Variants in USP6NL observed in about 807,000 individuals in gnomAD.
USP6NL encodes USP6 N-terminal-like protein.
In USP6NL, 26 loss-of-function variants were observed where a neutral mutation model predicts 61.9. That is an observed-to-expected ratio of 0.42 (90% CI 0.31 to 0.58). The LOEUF (loss-of-function observed/expected upper bound fraction) is 0.58. Among genes scored for constraint, USP6NL ranks in the 20% least tolerant of loss-of-function variants. The pLI, the probability that USP6NL is intolerant of heterozygous loss-of-function variation, is 0.16. For synonymous variants in USP6NL, 432 were observed against 390.1 expected (o/e 1.11, Z -1.27); for missense variants, 1,114 against 1,034.3 (o/e 1.08, Z -1.06).
chr10:11,541,274 T>TAA (rs1236099380), intron 2 of USP6NL, among the ~76,000 whole-genome samples: 1 of 122,700 alleles, frequency 8.1e-6, no homozygotes, highest in Non-Finnish European at 1.7e-5. Context: ...TATATATATA[T>TAA]ATGTATGTCA....
rs909037605 is a variant in USP6NL at position 11,525,501 on chromosome 10, GA to G, written c.73-34del. ...AAGGCACAAAAAAAGGTGTTAATCA[GA>G]GTTTATAAAACTGAATAATTTTTTA... On this transcript the variant is annotated intron_variant, in intron 3 of 14. Transcript: ENST00000609104. This position sits in a 1 kb window ranked among gnomAD's most constrained non-coding sequence, Gnocchi z 5.0. 6 of 1,519,664 alleles carry G rather than the reference GA, an allele frequency of 3.9e-6. No individual in the cohort carries two copies. The African/African-American group carries it at 4.3e-5, about 11-fold the overall frequency. 94.1% of individuals were successfully genotyped at this position (1,519,664 alleles called of 1,614,324 possible). A position where few individuals can be genotyped will look rare whatever the true frequency, so the allele number is the denominator to read the frequency against.
chr10:11,462,529 G>A lies in USP6NL; in HGVS notation c.2399C>T (p.Ser800Phe), dbSNP rs372926533. Residue 800 changes from serine to phenylalanine, a missense_variant, in exon 15 of 15, where the codon TCT becomes TTT. Ser to Phe is a radical substitution (Grantham distance 155). Coordinates refer to ENST00000609104, the MANE Select transcript of USP6NL (RefSeq NM_014688.5). The stretch of plus-strand genomic sequence containing the variant: ...CGGGGGCCCTGAATATGGATATCCA[G>A]ATGGACTGGCATCTTCTGCGGCCGG... ...ASPAAEDASP[S>F]GYPYSGPPPP... 4.3e-6 allele frequency: 7 copies of A among 1,614,046 alleles called. 1 individual carries two copies. The South Asian group carries it at 5.5e-5, about 13-fold the overall frequency.
In USP6NL at chr10:11,597,999, T is replaced by G. The variant is rs1838385111; in HGVS notation, c.-83-282A>C. 6.6e-6 allele frequency among the ~76,000 whole-genome samples: 1 copy of G among 152,164 alleles called. No homozygotes were observed. Among genetic ancestry groups the G allele is most frequent in the Admixed American group, 6.5e-5 (1 of 15,270 alleles). On this transcript the variant is annotated intron_variant, in intron 1 of 14. Coordinates refer to ENST00000609104, the MANE Select transcript of USP6NL (RefSeq NM_014688.5). The surrounding 1 kb of genome is among the most constrained non-coding windows in gnomAD (Gnocchi z 4.6). The stretch of plus-strand genomic sequence containing the variant: ...AACAGGTGTCCTTCGTCTTCAACAC[T>G]AAAAACATTTCTTCCCCATTCCCAG...
chr10:11,569,460 G>A (rs1022283916), intron 2 of USP6NL, among the ~76,000 whole-genome samples: 2 of 152,148 alleles, frequency 1.3e-5, no homozygotes, highest in Non-Finnish European at 2.9e-5. Context: ...TAACCTTCAC[G>A]TATAGAATTT....
chr10:11,501,012 C>CAT, intron 7 of USP6NL, 89 bp downstream of exon 7: 1 of 1,001,774 alleles, frequency 1.0e-6, no homozygotes, highest in Non-Finnish European at 1.4e-6. Flanking sequence ...TTTAAGTGAT[C>CAT]ATATGAATAT....
chr10:11,566,816 C>CA (rs1216122834), intron 2 of USP6NL, among the ~76,000 whole-genome samples: 3 of 152,160 alleles, frequency 2.0e-5, no homozygotes, highest in African/African-American at 7.2e-5. Context: ...CAGAGACAAG[C>CA]AAGAGAGGAA....
chr10:11,540,363 A>T lies in USP6NL; in HGVS notation c.5-12796T>A, dbSNP rs917853110. Among the ~76,000 whole-genome samples, 3 of 152,214 alleles carry T rather than the reference A, an allele frequency of 2.0e-5. No homozygotes were observed. Among genetic ancestry groups the T allele is most frequent in the Non-Finnish European group, 4.4e-5 (3 of 68,030 alleles). On this transcript the variant is annotated intron_variant, in intron 2 of 14. Coordinates refer to ENST00000609104, the MANE Select transcript of USP6NL (RefSeq NM_014688.5). The surrounding 1 kb of genome is among the most constrained non-coding windows in gnomAD (Gnocchi z 5.0). ...CTGGAAACATGTAAAAATTTGACAC[A>T]ATAATCATCAAATGACACTGAACTT...
At position 11,540,095 on chromosome 10, in the gene USP6NL, A is replaced by C. The variant is rs1277750027; in HGVS notation, c.5-12528T>G. On this transcript the variant is annotated intron_variant, in intron 2 of 14. Transcript: ENST00000609104. The surrounding 1 kb of genome is among the most constrained non-coding windows in gnomAD (Gnocchi z 5.0). ...TCTGCTCACTTCTGCTAGTCCTTAC[A>C]TTTCTTCCCACAGAAACAAATCTAT... 6.6e-6 allele frequency among the ~76,000 whole-genome samples: 1 copy of C among 152,114 alleles called. No homozygotes were observed. The highest frequency in any genetic ancestry group is 1.5e-5 in the Non-Finnish European group (1 of 68,014).
At chr10:11,594,602 A>T (rs1838265636) in intron 2 of USP6NL, among the ~76,000 whole-genome samples, 1 of 152,176 alleles carries the variant, frequency 6.6e-6, no homozygotes, top group Non-Finnish European at 1.5e-5. Context: ...ATTCACTAGC[A>T]ACACCTATGT....
chr10:11,588,407 C>A (rs1838050755), intron 2 of USP6NL, among the ~76,000 whole-genome samples: 1 of 152,144 alleles, frequency 6.6e-6, no homozygotes, highest in Non-Finnish European at 1.5e-5. Context: ...GAACCATACA[C>A]TGAGGTACAT....
chr10:11,558,886 C>T (rs1836819832), intron 2 of USP6NL, among the ~76,000 whole-genome samples: 4 of 152,094 alleles, frequency 2.6e-5, no homozygotes, highest in Non-Finnish European at 1.5e-5. Context: ...GTTTACTTTG[C>T]TTAATATTAG....
chr10:11,601,633 A>G (rs1468164564), intron 1 of USP6NL, among the ~76,000 whole-genome samples: 2 of 152,266 alleles, frequency 1.3e-5, no homozygotes, highest in African/African-American at 4.8e-5. Flanking sequence ...ATGTAACCAC[A>G]TATATAAAGG....
At chr10:11,503,624 C>T (rs1332344328) in intron 6 of USP6NL, among the ~76,000 whole-genome samples, 1 of 152,126 alleles carries the variant, frequency 6.6e-6, no homozygotes, top group Non-Finnish European at 1.5e-5. Context: ...ATTTACCATG[C>T]ACAAGAAACT....
At chr10:11,504,796 C>T (rs1231773383) in intron 6 of USP6NL, among the ~76,000 whole-genome samples, 2 of 152,220 alleles carry the variant, frequency 1.3e-5, no homozygotes, top group Non-Finnish European at 2.9e-5. Flanking sequence ...AATCCTTTAT[C>T]ATAAAACACA....
At chr10:11,583,996 T>A (rs1232996217) in intron 2 of USP6NL, among the ~76,000 whole-genome samples, 1 of 151,994 alleles carries the variant, frequency 6.6e-6, no homozygotes, top group South Asian at 2.1e-4. Context: ...GTCACTGCAC[T>A]CCAGCCTGGG....
At chr10:11,522,856 T>A (rs949958732) in intron 4 of USP6NL, among the ~76,000 whole-genome samples, 5 of 152,266 alleles carry the variant, frequency 3.3e-5, no homozygotes, top group African/African-American at 1.2e-4. Flanking sequence ...ACAGGCAGCA[T>A]ACTGTAGCAG....
rs988579360 is a variant in USP6NL at position 11,596,497 on chromosome 10, G to A, written c.4+1134C>T. ...AAATTAGCTGGGCCTGGTGGCGGGCGCCTGTAGTCCCAGCTACTCGGGAGG... is the reference window on the plus strand; with the variant it reads ...AAATTAGCTGGGCCTGGTGGCGGGCACCTGTAGTCCCAGCTACTCGGGAGG... On this transcript the variant is annotated intron_variant, in intron 2 of 14. Coordinates refer to ENST00000609104, the MANE Select transcript of USP6NL (RefSeq NM_014688.5). This position sits in a 1 kb window ranked among gnomAD's most constrained non-coding sequence, Gnocchi z 4.1. 5.3e-5 allele frequency among the ~76,000 whole-genome samples: 8 copies of A among 152,000 alleles called. No homozygotes were observed. In the East Asian group the frequency reaches 5.8e-4, roughly 11 times the overall value.
At chr10:11,524,020 A>G (rs187531032) in intron 4 of USP6NL, among the ~76,000 whole-genome samples, 103 of 152,358 alleles carry the variant, frequency 6.8e-4, no homozygotes, top group Non-Finnish European at 9.4e-4. Flanking sequence ...CCACACAAAT[A>G]TGCAATCATT....
chr10:11,527,388 T>C (rs117580160), intron 3 of USP6NL, 112 bp downstream of exon 3: 12,414 of 876,966 alleles, frequency 0.014, 145 homozygotes, highest in South Asian at 0.031. Context: ...TATGTCCCCA[T>C]GAAGTTAAAC....
Sources: allele counts gnomAD v4.1 joint callset (sites outside exome capture counted in the v4.1 genomes callset), GRCh38; gene constraint gnomAD v4.1.1; non-coding constraint Gnocchi (gnomAD v3.1); transcripts MANE v1.5; gene names NCBI Gene and HGNC (gene_info 2026-07-23, HGNC 2026-07-21).